NAV2: variants seen among roughly 807,000 people sequenced by gnomAD.
NAV2 encodes the protein helicase, APC down-regulated 1.
A neutral mutation model predicts 223.2 loss-of-function variants in NAV2; 54 were observed. That is an observed-to-expected ratio of 0.24 (90% CI 0.19 to 0.30). The LOEUF is 0.30. Among genes scored for constraint, NAV2 ranks in the 10% least tolerant of loss-of-function variants. NAV2 has a pLI of 1.00. For synonymous variants in NAV2, 1,279 were observed against 1,239.3 expected, an observed-to-expected ratio of 1.03 and a Z score of -0.67; for missense variants, 2,806 against 3,147.5, an observed-to-expected ratio of 0.89 and a Z score of 2.60.
At chr11:19,642,234 CA>C (rs2047686308) in intron 1 of NAV2, among the ~76,000 whole-genome samples, 1 of 152,198 alleles carries the variant, frequency 6.6e-6, no homozygotes, top group African/African-American at 2.4e-5. Context: ...CAGCCCCACC[CA>C]GGCACAAGCC....
chr11:19,906,146 C>T (rs183693316), intron 6 of NAV2, among the ~76,000 whole-genome samples: 1 of 152,298 alleles, frequency 6.6e-6, no homozygotes, highest in Admixed American at 6.5e-5. Context: ...TCTGTAATGG[C>T]CTCAGGTGAG....
intron 1 of NAV2, among the ~76,000 whole-genome samples, chr11:19,546,941 T>C (rs1157650283): frequency 2.0e-5 from 3 of 152,142 alleles, no homozygotes; most frequent in East Asian, 1.9e-4. Context: ...AGATGATCAG[T>C]TGGAGTTTAG....
intron 5 of NAV2, among the ~76,000 whole-genome samples, chr11:19,882,776 A>T (rs1487071602): frequency 6.6e-6 from 1 of 152,214 alleles, no homozygotes; most frequent in Admixed American, 6.5e-5. Context: ...GTGTCCTGCC[A>T]TCATGGCCCC....
rs1243423020 is a variant in NAV2 at position 19,933,218 on chromosome 11, A to G, written c.974A>G (p.Asp325Gly). Residue 325 changes from aspartate to glycine, a missense_variant, in exon 7 of 38, where the codon GAC becomes GGC. Asp to Gly is a moderately conservative substitution (Grantham distance 94). Coordinates refer to ENST00000349880, the MANE Select transcript of NAV2 (RefSeq NM_145117.5). This position sits in a 1 kb window ranked among gnomAD's most constrained non-coding sequence, Gnocchi z 4.3. ...GCCTCCTCCCACCCCGGAATGAGTG[A>G]CAATGCACCTGCTTCCTTGGAGAGC... ...SSASSHPGMS[D>G]NAPASLESGS... is the part of the protein sequence containing the mutation. 1.9e-6 allele frequency: 3 copies of G among 1,567,454 alleles called. No individual in the cohort carries two copies. The highest frequency in any genetic ancestry group is 1.9e-5 in the Admixed American group (1 of 53,046).
chr11:20,096,821 G>GC (rs2061307081), intron 30 of NAV2, among the ~76,000 whole-genome samples: 1 of 152,302 alleles, frequency 6.6e-6, no homozygotes, highest in African/African-American at 2.4e-5. Context: ...CATATGAATG[G>GC]CTTAGATGGA....
At position 19,368,410 on chromosome 11, in the gene NAV2, G is replaced by A. The variant is rs147729650; in HGVS notation, c.75+17383G>A. On this transcript the variant is annotated intron_variant, in intron 1 of 37. Transcript: ENST00000360655. ...GAGGAAAACTGATGGAATGTTAAAG[G>A]GGCCAAGCTTCTTCCCATCTACTGC... Among the ~76,000 whole-genome samples, 20 of 152,254 alleles carry A rather than the reference G, an allele frequency of 1.3e-4. No homozygotes were observed. The East Asian group carries it at 3.7e-3, about 28-fold the overall frequency.
At chr11:19,987,096 G>A (rs1370474499) in intron 11 of NAV2, among the ~76,000 whole-genome samples, 3 of 152,192 alleles carry the variant, frequency 2.0e-5, no homozygotes, top group Non-Finnish European at 4.4e-5. Flanking sequence ...TACAAATGCT[G>A]CTTAAGGTAA....
upstream of NAV2, among the ~76,000 whole-genome samples, chr11:19,346,077 G>A (rs575208086): frequency 6.6e-6 from 1 of 152,098 alleles, no homozygotes; most frequent in African/African-American, 2.4e-5. Flanking sequence ...CTATGAGCGC[G>A]TGTGTTTTCT....
rs191115968 is a variant in NAV2 at position 19,446,427 on chromosome 11, G to A, written c.75+95400G>A. 2.0e-5 allele frequency among the ~76,000 whole-genome samples: 3 copies of A among 152,184 alleles called. No individual in the cohort carries two copies. In the East Asian group the frequency reaches 5.8e-4, roughly 29 times the overall value. ...CTGTGACATTAACCAAGGCTCAGCC[G>A]ACACAGAGAACAAGGCCAGAGGTTG... is the stretch of plus-strand genomic sequence containing the variant. On this transcript the variant is annotated intron_variant, in intron 1 of 37. Transcript: ENST00000360655.
intron 29 of NAV2, among the ~76,000 whole-genome samples, chr11:20,095,259 C>A (rs1425490296): frequency 3.9e-5 from 6 of 151,998 alleles, no homozygotes; most frequent in Non-Finnish European, 8.8e-5. Flanking sequence ...TACAGAATTG[C>A]CGAAGCAATT....
upstream of NAV2, among the ~76,000 whole-genome samples, chr11:19,346,674 C>T (rs1853033320): frequency 6.6e-6 from 1 of 152,202 alleles, no homozygotes; most frequent in Non-Finnish European, 1.5e-5. Context: ...CAGATAAAGG[C>T]GCCAGGGTTG....
At chr11:19,346,271 G>A (rs1379272886), upstream of NAV2, among the ~76,000 whole-genome samples, 2 of 152,228 alleles carry the variant, frequency 1.3e-5, no homozygotes, top group Non-Finnish European at 2.9e-5. Flanking sequence ...TATCTGCTGT[G>A]CTTGTGTCGG....
At chr11:19,843,707 C>T (rs1222648097) in intron 3 of NAV2, among the ~76,000 whole-genome samples, 2 of 148,836 alleles carry the variant, frequency 1.3e-5, no homozygotes, top group Non-Finnish European at 3.0e-5. Flanking sequence ...ATGAAGGTGG[C>T]AACTTAAGGA....
rs532120937 is a variant in NAV2, at chr11:19,615,678, G to T, written c.76-216806G>T. Among the ~76,000 whole-genome samples the T allele has an allele frequency of 2.0e-5, 3 of 152,186 alleles. No homozygotes were observed. In the South Asian group the frequency reaches 6.2e-4, roughly 32 times the overall value. On this transcript the variant is annotated intron_variant, in intron 1 of 37. Transcript: ENST00000360655. ...GCCATAATGAATCAGCTCTAAAAGG[G>T]GAAGCATTGAAGATGGCGATGAAAT...
chr11:19,993,395 C>A (rs1348390029), intron 11 of NAV2, among the ~76,000 whole-genome samples: 5 of 152,122 alleles, frequency 3.3e-5, no homozygotes, highest in African/African-American at 1.2e-4. Flanking sequence ...TGGAAATGAC[C>A]CACGTAACTT....
intron 1 of NAV2, among the ~76,000 whole-genome samples, chr11:19,362,268 G>A (rs958567410): frequency 6.6e-6 from 1 of 152,154 alleles, no homozygotes; most frequent in Non-Finnish European, 1.5e-5. Context: ...TGACTCCAAA[G>A]CCTGTGCCAT....
intron 11 of NAV2, among the ~76,000 whole-genome samples, chr11:20,013,635 A>C (rs2053761996): frequency 6.6e-6 from 1 of 152,212 alleles, no homozygotes. Flanking sequence ...TTACGACCTC[A>C]TGGAGCTGTA....
intron 4 of NAV2, among the ~76,000 whole-genome samples, chr11:19,869,600 C>T (rs1471604015): frequency 6.6e-6 from 1 of 152,058 alleles, no homozygotes; most frequent in African/African-American, 2.4e-5. Context: ...CCACCTCAGA[C>T]AACAAGTCAG....
rs181367764 is a variant in NAV2 at position 19,546,331 on chromosome 11, C to T, written c.75+195304C>T. On this transcript the variant is annotated intron_variant, in intron 1 of 37. Transcript: ENST00000360655. ...CTTGTAACTGAGATCTTGCTGAGGG[C>T]GAGACAGACTGGTGGGGGTTCAGTG... Among the ~76,000 whole-genome samples, 50 of 152,278 alleles carry T rather than the reference C, an allele frequency of 3.3e-4. No homozygotes were observed. The East Asian group carries it at 8.3e-3, about 25-fold the overall frequency.
Sources: gnomAD v4.1 joint callset for allele counts (sites outside exome capture counted in the v4.1 genomes callset) on GRCh38, gnomAD v4.1.1 for gene constraint, Gnocchi (gnomAD v3.1) non-coding constraint, MANE v1.5 for transcripts, NCBI Gene and HGNC (gene_info 2026-07-23, HGNC 2026-07-21) for gene names.